Variants in WWOX observed in about 807,000 individuals in gnomAD.
WWOX encodes the protein WW domain-containing oxidoreductase.
Under a neutral mutation model 46.2 loss-of-function variants are expected in WWOX, and 69 were observed. That is an observed-to-expected ratio of 1.49 (90% CI 1.23 to 1.82). The LOEUF is 1.82. WWOX is among the 40% of genes most tolerant of loss of function. The pLI is 0.00. For synonymous variants in WWOX, 359 were observed against 202.6 expected, an observed-to-expected ratio of 1.77 and a Z score of -6.56; for missense variants, 919 against 542.6, an observed-to-expected ratio of 1.69 and a Z score of -6.89.
At chr16:78,696,765 C>T (rs116764346) in intron 8 of WWOX, among the ~76,000 whole-genome samples, 2,277 of 152,178 alleles carry the variant, frequency 0.015, 44 homozygotes, top group African/African-American at 0.052. Context: ...ACCCATCACT[C>T]GAGCAGTATA....
At chr16:78,924,970 G>A (rs933456624) in intron 8 of WWOX, among the ~76,000 whole-genome samples, 2 of 152,122 alleles carry the variant, frequency 1.3e-5, no homozygotes, top group African/African-American at 4.8e-5. Context: ...CAAGGCGGGA[G>A]GATCAGTTGA....
intron 5 of WWOX, among the ~76,000 whole-genome samples, chr16:78,331,960 C>G (rs1037270466): frequency 3.9e-5 from 6 of 152,166 alleles, no homozygotes; most frequent in African/African-American, 1.2e-4. Context: ...ACCAGGCTAG[C>G]TGACTCCAAA....
chr16:79,020,593 T>C (rs1454957679), intron 8 of WWOX, among the ~76,000 whole-genome samples: 1 of 152,190 alleles, frequency 6.6e-6, no homozygotes, highest in Non-Finnish European at 1.5e-5. Context: ...TTTATTAGTA[T>C]ATCATGGTAC....
chr16:78,527,553 C>G (rs1377963669), intron 8 of WWOX, among the ~76,000 whole-genome samples: 1 of 152,134 alleles, frequency 6.6e-6, no homozygotes, highest in Non-Finnish European at 1.5e-5. Context: ...CTCAGCCAGC[C>G]AAAGTGCTGG....
intron 8 of WWOX, among the ~76,000 whole-genome samples, chr16:78,649,377 G>C (rs560081272): frequency 7.2e-5 from 11 of 152,068 alleles, no homozygotes; most frequent in Non-Finnish European, 1.6e-4. Flanking sequence ...TGTAGGTCCC[G>C]GGCTCAAGCG....
At chr16:78,941,211 G>T (rs1036203970) in intron 8 of WWOX, among the ~76,000 whole-genome samples, 1 of 152,200 alleles carries the variant, frequency 6.6e-6, no homozygotes, top group Non-Finnish European at 1.5e-5. Context: ...AATCTATCAT[G>T]TAGTGGAGAG....
intron 8 of WWOX, among the ~76,000 whole-genome samples, chr16:78,585,583 G>C (rs2045177419): frequency 6.6e-6 from 1 of 151,890 alleles, no homozygotes. Context: ...GCTCCACCAG[G>C]ACCTCTTGAC....
At chr16:78,688,113 T>C (rs1043561818) in intron 8 of WWOX, among the ~76,000 whole-genome samples, 1 of 151,972 alleles carries the variant, frequency 6.6e-6, no homozygotes, top group Non-Finnish European at 1.5e-5. Context: ...ATTATTTCTA[T>C]ATATCTTAAA....
intron 8 of WWOX, among the ~76,000 whole-genome samples, chr16:78,656,736 G>A (rs1056367191): frequency 2.6e-5 from 4 of 152,158 alleles, no homozygotes; most frequent in African/African-American, 7.2e-5. Context: ...GCACATCCTC[G>A]TGGATCTTCC....
At chr16:79,077,006 A>T (rs1015278744) in intron 8 of WWOX, among the ~76,000 whole-genome samples, 1 of 152,168 alleles carries the variant, frequency 6.6e-6, no homozygotes, top group Admixed American at 6.5e-5. Flanking sequence ...GTATGAAATG[A>T]CTGTTTTTAT....
chr16:78,337,878 A>G (rs9933025), intron 5 of WWOX, among the ~76,000 whole-genome samples: 26,995 of 118,484 alleles, frequency 0.23, 8,612 homozygotes, highest in African/African-American at 0.38. Flanking sequence ...GGTAGAGCTG[A>G]TGTAGAAGCG....
At chr16:79,119,251 G>T (rs2049579480) in intron 8 of WWOX, among the ~76,000 whole-genome samples, 3 of 152,062 alleles carry the variant, frequency 2.0e-5, no homozygotes. Context: ...TTGTTGGGTT[G>T]AAAGAAGCAA....
intron 8 of WWOX, among the ~76,000 whole-genome samples, chr16:78,856,027 G>T (rs1388748502): frequency 6.6e-6 from 1 of 152,198 alleles, no homozygotes; most frequent in African/African-American, 2.4e-5. Context: ...TTTACTTGCA[G>T]GGCAAGGCAA....
At chr16:78,284,715 C>G (rs988241875) in intron 5 of WWOX, among the ~76,000 whole-genome samples, 1 of 152,118 alleles carries the variant, frequency 6.6e-6, no homozygotes, top group Non-Finnish European at 1.5e-5. Context: ...TCTCTTTAAC[C>G]AAGTCCTTTG....
chr16:78,405,363 G>C (rs1178845380), intron 6 of WWOX, among the ~76,000 whole-genome samples: 3 of 152,144 alleles, frequency 2.0e-5, no homozygotes, highest in Non-Finnish European at 2.9e-5. Flanking sequence ...CTTGACAGCA[G>C]AATCCATTCC....
intron 8 of WWOX, among the ~76,000 whole-genome samples, chr16:78,527,985 C>G (rs1323429859): frequency 3.6e-5 from 3 of 82,698 alleles, no homozygotes; most frequent in East Asian, 8.5e-4. Flanking sequence ...AGGACTGGTA[C>G]ATGTCCTTTT....
intron 8 of WWOX, among the ~76,000 whole-genome samples, chr16:78,603,542 A>T (rs1056067884): frequency 1.1e-4 from 17 of 152,084 alleles, no homozygotes; most frequent in South Asian, 2.1e-4. Flanking sequence ...TAAAAATAAA[A>T]AATTAGCTGG....
At chr16:78,422,684 TACACACACACACACAC>T (rs1199317546) in intron 6 of WWOX, among the ~76,000 whole-genome samples, 233 of 52,732 alleles carry the variant, frequency 4.4e-3, no homozygotes, top group Non-Finnish European at 4.8e-3. Context: ...TATATATATA[TACACACACACACACAC>T]ATATATATAT....
At chr16:78,549,602 G>T (rs777547522) in intron 8 of WWOX, among the ~76,000 whole-genome samples, 5 of 152,124 alleles carry the variant, frequency 3.3e-5, no homozygotes, top group South Asian at 4.1e-4. Flanking sequence ...CCATTTGATC[G>T]AAGAGCTCTT....
Sources: allele counts gnomAD v4.1 joint callset (sites outside exome capture counted in the v4.1 genomes callset), GRCh38; gene constraint gnomAD v4.1.1; transcripts MANE v1.5; gene names NCBI Gene and HGNC (gene_info 2026-07-23, HGNC 2026-07-21).